CADPS2: variants seen among roughly 807,000 people sequenced by gnomAD.
CADPS2 encodes calcium-dependent secretion activator 2.
A neutral mutation model predicts 172.5 loss-of-function variants in CADPS2; 93 were observed. The observed-to-expected ratio is 0.54, with a 90% CI of 0.46 to 0.64. The LOEUF (loss-of-function observed/expected upper bound fraction) is 0.64. Ranked by LOEUF, CADPS2 falls within the 30% of genes least tolerant of loss-of-function variation. CADPS2 has a pLI of 0.00. For missense variants in CADPS2, 1,420 were observed against 1,565.9 expected, an observed-to-expected ratio of 0.91 and a Z score of 1.57; for synonymous variants, 546 against 555.2, an observed-to-expected ratio of 0.98 and a Z score of 0.23.
At chr7:122,371,206 T>C (rs889213287) in intron 25 of CADPS2, among the ~76,000 whole-genome samples, 1 of 152,112 alleles carries the variant, frequency 6.6e-6, no homozygotes, top group Non-Finnish European at 1.5e-5. Context: ...AATGGTCAAA[T>C]CGGTATTTTG....
intron 8 of CADPS2, among the ~76,000 whole-genome samples, chr7:122,544,339 T>C (rs183052406): frequency 7.2e-5 from 11 of 152,290 alleles, no homozygotes; most frequent in African/African-American, 2.4e-4. Context: ...TGATGTATAA[T>C]AGAAAAAATA....
In CADPS2 at chr7:122,447,273, C is replaced by T. The variant is rs138225280; in HGVS notation, c.2288+4101G>A. Among the ~76,000 whole-genome samples the T allele has an allele frequency of 5.5e-3, 834 of 151,976 alleles. 18 individuals are homozygous for T. Among genetic ancestry groups the T allele is most frequent in the Middle Eastern group, 0.014 (4 of 294 alleles). ...CATACTTATATTTGTTTTTGATGTC[C>T]TCTCTTTATACACTTAATCTAATAC... On this transcript the variant is annotated intron_variant, in intron 15 of 29. Coordinates refer to ENST00000449022, the MANE Select transcript of CADPS2 (RefSeq NM_017954.11).
In CADPS2 at chr7:122,474,385, C is replaced by A. The variant is rs752209411; in HGVS notation, c.1994G>T (p.Cys665Phe). ...LDHRLNDSYS[C>F]LGWFSPGQVF... is the part of the protein sequence containing the mutation. ...ACTAGATAGACTTGTACTCACCAAG[C>A]AAGAATAGGAATCATTCAGTCTGTG... Residue 665 changes from cysteine to phenylalanine, a missense_variant, in exon 13 of 30, where the codon TGC becomes TTC. Cys to Phe is a radical substitution (Grantham distance 205). Transcript: ENST00000449022. 6.2e-7 allele frequency: 1 copy of A among 1,613,172 alleles called. No individual in the cohort carries two copies. The highest frequency in any genetic ancestry group is 1.3e-5 in the African/African-American group (1 of 74,918).
intron 2 of CADPS2, among the ~76,000 whole-genome samples, chr7:122,693,049 C>T (rs2084603510): frequency 6.6e-6 from 1 of 152,230 alleles, no homozygotes; most frequent in Non-Finnish European, 1.5e-5. Flanking sequence ...TACGCCTGCA[C>T]TCTAAACTTG....
At position 122,602,197 on chromosome 7, in the gene CADPS2, A is replaced by G. The variant is rs538164069; in HGVS notation, c.1223+12984T>C. On this transcript the variant is annotated intron_variant, in intron 6 of 29. Coordinates refer to ENST00000449022, the MANE Select transcript of CADPS2 (RefSeq NM_017954.11). ...GATCAGAATCATGGCCAAATTAAGG[A>G]AAAAAAAAAAGTTTATTTTTTTCAT... Among the ~76,000 whole-genome samples the G allele has an allele frequency of 8.8e-4, 52 of 59,260 alleles. No homozygotes were observed. The South Asian group carries it at 0.021, about 24-fold the overall frequency. 38.9% of individuals were successfully genotyped at this position (59,260 alleles called of 152,430 possible). A position where few individuals can be genotyped will look rare whatever the true frequency, so the allele number is the denominator to read the frequency against.
At chr7:122,321,510 A>G (rs1395558440) in intron 29 of CADPS2, among the ~76,000 whole-genome samples, 1 of 151,738 alleles carries the variant, frequency 6.6e-6, no homozygotes, top group African/African-American at 2.4e-5. Context: ...TTATTTTGAC[A>G]TGGAGTATCA....
intron 15 of CADPS2, among the ~76,000 whole-genome samples, chr7:122,449,303 G>A (rs898412092): frequency 2.0e-5 from 3 of 151,954 alleles, no homozygotes; most frequent in Non-Finnish European, 4.4e-5. Context: ...TACAACCTAG[G>A]AGACAACACT....
chr7:122,761,287 C>T (rs2093370130), intron 1 of CADPS2, among the ~76,000 whole-genome samples: 1 of 152,140 alleles, frequency 6.6e-6, no homozygotes, highest in African/African-American at 2.4e-5. Flanking sequence ...CTTCTTCCTC[C>T]ACTCATTCCT....
chr7:122,447,725 G>A (rs890221394), intron 15 of CADPS2, among the ~76,000 whole-genome samples: 2 of 151,058 alleles, frequency 1.3e-5, no homozygotes, highest in Non-Finnish European at 3.0e-5. Flanking sequence ...AGCTAATTTT[G>A]TATTTTTCGT....
intron 28 of CADPS2, among the ~76,000 whole-genome samples, chr7:122,327,657 T>C (rs1253811173): frequency 7.2e-5 from 11 of 151,958 alleles, no homozygotes; most frequent in Non-Finnish European, 1.5e-4. Flanking sequence ...ATATATAAAA[T>C]GGTACTTATA....
chr7:122,625,727 G>A (rs572913538), intron 4 of CADPS2, among the ~76,000 whole-genome samples: 3 of 152,010 alleles, frequency 2.0e-5, no homozygotes, highest in Non-Finnish European at 2.9e-5. Context: ...GCCCACAGCC[G>A]TGGGAGCCAA....
At chr7:122,816,255 T>C (rs1801373378) in intron 1 of CADPS2, among the ~76,000 whole-genome samples, 1 of 97,812 alleles carries the variant, frequency 1.0e-5, no homozygotes, top group African/African-American at 4.0e-5. Context: ...ATTTATTTTT[T>C]AGATTTTTTT....
chr7:122,733,632 T>G (rs2091886844), intron 2 of CADPS2, among the ~76,000 whole-genome samples: 1 of 151,978 alleles, frequency 6.6e-6, no homozygotes, highest in African/African-American at 2.4e-5. Flanking sequence ...CTGAGTTCCC[T>G]GAAAATTCAC....
rs1452351490 is a variant in CADPS2, at chr7:122,849,008, G to A, written c.339+36991C>T. Among the ~76,000 whole-genome samples the A allele has an allele frequency of 2.0e-5, 3 of 152,284 alleles. No individual in the cohort carries two copies. In the South Asian group the frequency reaches 6.2e-4, roughly 32 times the overall value. ...ACCAGCTTTCCAAAGTCCCAGGCAG[G>A]TTAATGAACAATTACTAAACCTTTC... is the stretch of plus-strand genomic sequence containing the variant. On this transcript the variant is annotated intron_variant, in intron 1 of 29. Transcript: ENST00000449022.
intron 10 of CADPS2, 59 bp downstream of exon 10, chr7:122,491,253 A>G: frequency 9.1e-7 from 1 of 1,098,918 alleles, no homozygotes; most frequent in Non-Finnish European, 1.3e-6. Flanking sequence ...GACAAAGGAT[A>G]TTTATAAGAA....
At chr7:122,343,704 G>A (rs2037134228) in intron 28 of CADPS2, among the ~76,000 whole-genome samples, 1 of 152,168 alleles carries the variant, frequency 6.6e-6, no homozygotes, top group Non-Finnish European at 1.5e-5. Context: ...CATAGAAGAC[G>A]TGCTTTAGCT....
intron 25 of CADPS2, among the ~76,000 whole-genome samples, chr7:122,370,733 A>C (rs916259923): frequency 1.1e-4 from 17 of 152,140 alleles, no homozygotes; most frequent in African/African-American, 4.1e-4. Flanking sequence ...TATCAGAAGA[A>C]AGCAAAAAAG....
At chr7:122,413,163 A>G (rs1177550473) in intron 19 of CADPS2, 3 of 152,214 alleles carry the variant, frequency 2.0e-5, no homozygotes, top group South Asian at 4.1e-4. Context: ...GTGAGGGACT[A>G]TGGCTTTTTC....
rs558212059 is a variant in CADPS2 at position 122,485,355 on chromosome 7, G to A, written c.1853-4495C>T. On this transcript the variant is annotated intron_variant, in intron 11 of 29. Coordinates refer to ENST00000449022, the MANE Select transcript of CADPS2 (RefSeq NM_017954.11). ...GGAAAAGTTGTTGCAGTAAATTAAA[G>A]TTGCTACTCCAGTGAACACACAAAT... is the stretch of plus-strand genomic sequence containing the variant. 1.2e-4 allele frequency among the ~76,000 whole-genome samples: 18 copies of A among 152,348 alleles called. No individual in the cohort carries two copies. In the South Asian group the frequency reaches 3.7e-3, roughly 32 times the overall value.
Sources: gnomAD v4.1 joint callset for allele counts (sites outside exome capture counted in the v4.1 genomes callset) on GRCh38, gnomAD v4.1.1 for gene constraint, MANE v1.5 for transcripts, NCBI Gene and HGNC (gene_info 2026-07-23, HGNC 2026-07-21) for gene names.